The following ANO2 variants were observed in gnomAD, a reference collection of about 807,000 sequenced individuals.
The protein encoded by ANO2 is anoctamin-2.
Under a neutral mutation model 124.2 loss-of-function variants are expected in ANO2, and 101 were observed. That is an observed-to-expected ratio of 0.81 (90% CI 0.69 to 0.96). ANO2 has a LOEUF of 0.96. Ranked by LOEUF, ANO2 falls within the 40% of genes least tolerant of loss-of-function variation. The pLI, the probability that ANO2 is intolerant of heterozygous loss-of-function variation, is 0.00. For missense variants in ANO2, 1,293 were observed against 1,274.5 expected (o/e 1.01, Z -0.22); for synonymous variants, 486 against 482.5 (o/e 1.01, Z -0.09).
upstream of ANO2, chr12:5,945,296 C>T (rs1431829958): frequency 4.3e-6 from 5 of 1,153,024 alleles, no homozygotes; most frequent in South Asian, 4.9e-5. Flanking sequence ...AATTCCATCG[C>T]GGCTCAGCTC....
At chr12:5,606,729 G>A (rs370703833) in intron 19 of ANO2, among the ~76,000 whole-genome samples, 3 of 152,154 alleles carry the variant, frequency 2.0e-5, no homozygotes, top group African/African-American at 7.2e-5. Context: ...GATTCTCAAG[G>A]CCATCAAAAT....
intron 13 of ANO2, among the ~76,000 whole-genome samples, chr12:5,735,727 C>T (rs961399336): frequency 1.3e-5 from 2 of 152,160 alleles, no homozygotes; most frequent in African/African-American, 4.8e-5. Context: ...GTCTGTGCAA[C>T]AGGAATAACC....
intron 1 of ANO2, among the ~76,000 whole-genome samples, chr12:5,933,240 C>T (rs954359756): frequency 6.6e-6 from 1 of 152,226 alleles, no homozygotes; most frequent in African/African-American, 2.4e-5. Flanking sequence ...CACACAGCCA[C>T]ACATGCACAG....
chr12:5,675,714 C>T (rs1948211584), intron 14 of ANO2, among the ~76,000 whole-genome samples: 1 of 152,168 alleles, frequency 6.6e-6, no homozygotes, highest in Non-Finnish European at 1.5e-5. Flanking sequence ...CTTCCAAGAC[C>T]CAGCTCTGTC....
At chr12:5,617,527 C>A (rs1944886633) in intron 16 of ANO2, among the ~76,000 whole-genome samples, 1 of 148,254 alleles carries the variant, frequency 6.7e-6, no homozygotes. Context: ...CTCAAGATCA[C>A]ACCGTACCAC....
intron 7 of ANO2, among the ~76,000 whole-genome samples, chr12:5,819,282 G>A (rs1447886512): frequency 6.6e-6 from 1 of 152,168 alleles, no homozygotes; most frequent in Non-Finnish European, 1.5e-5. Context: ...TATGACCCAC[G>A]AGAAGGTGCA....
At chr12:5,687,031 C>G (rs1329395506) in intron 14 of ANO2, among the ~76,000 whole-genome samples, 2 of 152,116 alleles carry the variant, frequency 1.3e-5, no homozygotes. Context: ...TGACAGACAC[C>G]CCCTGGATGA....
At chr12:5,778,292 T>C (rs1488554001) in intron 10 of ANO2, among the ~76,000 whole-genome samples, 3 of 152,328 alleles carry the variant, frequency 2.0e-5, no homozygotes, top group Admixed American at 2.0e-4. Context: ...ATGAGTATTA[T>C]AAAGCTAGGA....
intron 14 of ANO2, among the ~76,000 whole-genome samples, chr12:5,701,265 C>G (rs1416481500): frequency 2.6e-5 from 4 of 152,004 alleles, no homozygotes; most frequent in Admixed American, 2.6e-4. Context: ...ATTGACTCTT[C>G]TTGACATTAG....
At chr12:5,782,828 C>T (rs11836134) in intron 10 of ANO2, among the ~76,000 whole-genome samples, 77 of 152,218 alleles carry the variant, frequency 5.1e-4, no homozygotes, top group African/African-American at 1.8e-3. Context: ...AGAGCATGGG[C>T]TCCAATGGAA....
intron 10 of ANO2, among the ~76,000 whole-genome samples, chr12:5,798,471 G>A (rs890414528): frequency 2.0e-5 from 3 of 152,032 alleles, no homozygotes; most frequent in Non-Finnish European, 2.9e-5. Context: ...CTCTAGACTC[G>A]ATTCTCCTGG....
intron 16 of ANO2, among the ~76,000 whole-genome samples, chr12:5,624,450 G>A (rs868402966): frequency 2.0e-5 from 3 of 152,202 alleles, no homozygotes; most frequent in African/African-American, 7.2e-5. Context: ...GGTGTGCCCT[G>A]TCCCTGATCA....
chr12:5,687,000 T>C (rs3782635), intron 14 of ANO2, among the ~76,000 whole-genome samples: 17 of 152,034 alleles, frequency 1.1e-4, no homozygotes, highest in Non-Finnish European at 2.2e-4. Context: ...CACATGCCCT[T>C]ATCTGGATGG....
At chr12:5,864,165 C>T (rs891360534) in intron 3 of ANO2, among the ~76,000 whole-genome samples, 2 of 152,088 alleles carry the variant, frequency 1.3e-5, no homozygotes, top group Admixed American at 6.5e-5. Context: ...CTGAGCCCAC[C>T]GAGGCAGTAG....
chr12:5,834,388 AC>A (rs1335235431), intron 4 of ANO2, among the ~76,000 whole-genome samples: 1 of 152,192 alleles, frequency 6.6e-6, no homozygotes, highest in African/African-American at 2.4e-5. Context: ...ATACTTGGGC[AC>A]CTGAAATACT....
intron 14 of ANO2, among the ~76,000 whole-genome samples, chr12:5,696,807 A>G (rs906441218): frequency 5.9e-5 from 9 of 152,248 alleles, no homozygotes; most frequent in African/African-American, 2.2e-4. Context: ...GTACATGAAG[A>G]GTTTAAGATT....
At chr12:5,921,017 C>G in intron 3 of ANO2, 23 bp downstream of exon 3, 1 of 1,588,642 alleles carries the variant, frequency 6.3e-7, no homozygotes, top group Non-Finnish European at 8.6e-7. Context: ...ATCTCCAAGT[C>G]CCTGGCCACC....
At chr12:5,937,505 T>C (rs1591815939) in intron 1 of ANO2, among the ~76,000 whole-genome samples, 3 of 152,352 alleles carry the variant, frequency 2.0e-5, no homozygotes, top group South Asian at 4.1e-4. Flanking sequence ...TTCCACTTCA[T>C]TGGCTGCCTT....
chr12:5,757,706 C>T (rs542830490), intron 10 of ANO2, among the ~76,000 whole-genome samples: 12 of 152,304 alleles, frequency 7.9e-5, no homozygotes, highest in Admixed American at 6.5e-4. Context: ...TTGAGCTCAT[C>T]AGAGAGCTGA....
Sources: gnomAD v4.1 joint callset for allele counts (sites outside exome capture counted in the v4.1 genomes callset) on GRCh38, gnomAD v4.1.1 for gene constraint, MANE v1.5 for transcripts, NCBI Gene and HGNC (gene_info 2026-07-23, HGNC 2026-07-21) for gene names.